The following AGTPBP1 variants were observed in gnomAD, a reference collection of about 807,000 sequenced individuals.
AGTPBP1 encodes the protein cytosolic carboxypeptidase 1.
In AGTPBP1, 70 loss-of-function variants were observed where a neutral mutation model predicts 143.9. The observed-to-expected ratio is 0.49, with a 90% CI of 0.40 to 0.59. The LOEUF is 0.59. Among genes scored for constraint, AGTPBP1 ranks in the 20% least tolerant of loss-of-function variants. AGTPBP1 has a pLI of 0.00. For missense variants in AGTPBP1, 1,229 were observed against 1,464.5 expected (o/e 0.84, Z 2.62); for synonymous variants, 463 against 500.2 (o/e 0.93, Z 0.99).
chr9:85,669,038 C>T (rs900520411), intron 8 of AGTPBP1, among the ~76,000 whole-genome samples: 3 of 140,496 alleles, frequency 2.1e-5, no homozygotes, highest in African/African-American at 8.0e-5. Context: ...CACACACACA[C>T]ATCTCAGGAT....
intron 2 of AGTPBP1, among the ~76,000 whole-genome samples, chr9:85,704,380 GA>G (rs1015169526): frequency 4.0e-5 from 6 of 151,838 alleles, no homozygotes; most frequent in African/African-American, 1.4e-4. Flanking sequence ...CCAAGACTAG[GA>G]AAAAAAATCA....
Position 85,592,576 on chromosome 9 carries a change from G to T in AGTPBP1, c.2552C>A (p.Thr851Lys), listed in dbSNP as rs760300826. 6.2e-7 allele frequency: 1 copy of T among 1,605,720 alleles called. No individual in the cohort carries two copies. Reference sequence around the variant, plus strand: ...AGTTCTTACCTGTAAAGTTGAATACGTATATGGATAGTGATAAGCAAAGTA... The same window carrying T: ...AGTTCTTACCTGTAAAGTTGAATACTTATATGGATAGTGATAAGCAAAGTA... ...VCYFAYHYPY[T>K]YSTLQMHLQK... The change falls in exon 19 of 26, where the codon ACG becomes AAG. Residue 851 changes from threonine (T) to lysine (K), a missense_variant. Around this residue, in one of 2 missense-constraint regions of AGTPBP1, gnomAD observed 486 missense variants for 652.3 expected, o/e 0.75. Coordinates refer to ENST00000357081, the MANE Select transcript of AGTPBP1 (RefSeq NM_001330701.2).
At chr9:85,661,854 A>G in intron 8 of AGTPBP1, among the ~76,000 whole-genome samples, 1 of 152,308 alleles carries the variant, frequency 6.6e-6, no homozygotes, top group South Asian at 2.1e-4. Flanking sequence ...ATTAATTTGC[A>G]TTAAAATTGT....
At chr9:85,595,579 T>C (rs1829245101) in intron 18 of AGTPBP1, among the ~76,000 whole-genome samples, 1 of 152,240 alleles carries the variant, frequency 6.6e-6, no homozygotes, top group Admixed American at 6.5e-5. Flanking sequence ...GAGGCTGGAG[T>C]GCAGTGGTGC....
At chr9:85,775,067 C>T in the AGTPBP1 span, among the ~76,000 whole-genome samples, 2 of 152,046 alleles carry the variant, frequency 1.3e-5, no homozygotes, top group Non-Finnish European at 1.5e-5. Context: ...CTTTGGGAGG[C>T]TGAGTCAAGA....
intron 25 of AGTPBP1, among the ~76,000 whole-genome samples, chr9:85,570,154 T>C (rs1827370059): frequency 2.0e-5 from 3 of 151,934 alleles, no homozygotes; most frequent in Admixed American, 2.0e-4. Context: ...GGGTAGAGAG[T>C]GTCTATAGTG....
chr9:85,753,032 CA>C, the AGTPBP1 span, among the ~76,000 whole-genome samples: 1 of 151,828 alleles, frequency 6.6e-6, no homozygotes, highest in Non-Finnish European at 1.5e-5. Context: ...TTTTTTTAAA[CA>C]AAAAAATCCC....
At chr9:85,690,986 G>T (rs1191880232) in intron 3 of AGTPBP1, among the ~76,000 whole-genome samples, 1 of 152,188 alleles carries the variant, frequency 6.6e-6, no homozygotes, top group Admixed American at 6.5e-5. Flanking sequence ...ATGGACAAAA[G>T]TGTTTATCTA....
chr9:85,550,537 T>C (rs1369314961), intron 25 of AGTPBP1, among the ~76,000 whole-genome samples: 1 of 152,200 alleles, frequency 6.6e-6, no homozygotes, highest in Non-Finnish European at 1.5e-5. Context: ...ACAGCTCTTA[T>C]AAGCATGCCC....
At chr9:85,797,215 C>T in the AGTPBP1 span, among the ~76,000 whole-genome samples, 1 of 152,220 alleles carries the variant, frequency 6.6e-6, no homozygotes, top group East Asian at 1.9e-4. Context: ...ATCTCCCAGG[C>T]TCCCACCTCA....
intron 3 of AGTPBP1, among the ~76,000 whole-genome samples, chr9:85,689,416 T>C (rs1835696349): frequency 6.6e-6 from 1 of 152,188 alleles, no homozygotes; most frequent in Non-Finnish European, 1.5e-5. Context: ...GTCCCCATCA[T>C]AAATAATGTA....
chr9:85,561,252 C>G lies in AGTPBP1; in HGVS notation c.3504-13966G>C, dbSNP rs572889319. On this transcript the variant is annotated intron_variant, in intron 25 of 25. Coordinates refer to ENST00000357081, the MANE Select transcript of AGTPBP1 (RefSeq NM_001330701.2). ...TGGTGCATGTCTGTAATCCCAGCTA[C>G]TTGGGAGGCTGAGGCAGGAGAATCG... 1.7e-3 allele frequency among the ~76,000 whole-genome samples: 252 copies of G among 152,006 alleles called. 1 individual carries two copies. The highest frequency in any genetic ancestry group is 4.9e-3 in the African/African-American group (204 of 41,460).
intron 2 of AGTPBP1, among the ~76,000 whole-genome samples, chr9:85,711,599 C>G (rs1182209728): frequency 6.6e-6 from 1 of 151,964 alleles, no homozygotes; most frequent in Non-Finnish European, 1.5e-5. Flanking sequence ...ACCACCACAC[C>G]TGGCTAATTT....
At chr9:85,661,996 A>G (rs764301521) in intron 8 of AGTPBP1, among the ~76,000 whole-genome samples, 2 of 152,178 alleles carry the variant, frequency 1.3e-5, no homozygotes, top group South Asian at 4.1e-4. Flanking sequence ...TAATTTTACA[A>G]TCTACATAAT....
chr9:85,621,821 G>A (rs1015812040), intron 14 of AGTPBP1, among the ~76,000 whole-genome samples: 3 of 152,192 alleles, frequency 2.0e-5, no homozygotes, highest in Non-Finnish European at 4.4e-5. Context: ...TGAGGGAGCA[G>A]AGGATGATTC....
chr9:85,578,920 C>A lies in AGTPBP1; in HGVS notation c.3342G>T (p.Lys1114Asn). ...TLCGCDQGKY[K>N]GLQIGTRELE... The stretch of plus-strand genomic sequence containing the variant: ...GGTTAGAAAACCTAAGATGTTTTAC[C>A]TTGTATTTTCCCTGATCACAGCCAC... Residue 1114 changes from lysine (K) to asparagine (N), a missense_variant and splice_region_variant, in exon 24 of 26, where the codon AAG (lysine) becomes AAT (asparagine). This residue lies in a region of AGTPBP1 where 486 missense variants were observed against 652.3 expected (regional missense o/e 0.75). Coordinates refer to ENST00000357081, the MANE Select transcript of AGTPBP1 (RefSeq NM_001330701.2). 6.2e-7 allele frequency: 1 copy of A among 1,610,832 alleles called. No homozygotes were observed. Among genetic ancestry groups the A allele is most frequent in the South Asian group, 1.1e-5 (1 of 90,758 alleles).
upstream of AGTPBP1, among the ~76,000 whole-genome samples, chr9:85,744,719 C>T (rs879820776): frequency 3.3e-5 from 5 of 152,180 alleles, no homozygotes; most frequent in Admixed American, 6.5e-5. Flanking sequence ...AGTGTGCACG[C>T]GGGCCCTTAG....
chr9:85,775,164 C>A, the AGTPBP1 span, among the ~76,000 whole-genome samples: 6 of 152,136 alleles, frequency 3.9e-5, no homozygotes, highest in African/African-American at 1.4e-4. Context: ...ACTAGCCAAG[C>A]GTGGTGGCAC....
At chr9:85,802,981 T>A in the AGTPBP1 span, among the ~76,000 whole-genome samples, 2 of 152,198 alleles carry the variant, frequency 1.3e-5, no homozygotes, top group African/African-American at 4.8e-5. Context: ...GCAGTCTGTG[T>A]TTTCAGGGAG....
Sources: gnomAD v4.1 joint callset for allele counts (sites outside exome capture counted in the v4.1 genomes callset) on GRCh38, gnomAD v4.1.1 for gene constraint, gnomAD v4.1.1 regional missense constraint, MANE v1.5 for transcripts, NCBI Gene and HGNC (gene_info 2026-07-23, HGNC 2026-07-21) for gene names.